Variants in SLC8A1 observed in about 807,000 individuals in gnomAD.
SLC8A1 encodes the protein solute carrier family 8 member A1.
Under a neutral mutation model 68.3 loss-of-function variants are expected in SLC8A1, and 18 were observed. The observed-to-expected ratio is 0.26, with a 90% CI of 0.18 to 0.39. The LOEUF (loss-of-function observed/expected upper bound fraction) is 0.39, where lower values mean the gene tolerates loss of function less well. SLC8A1 is among the 10% of genes least tolerant of loss of function. The probability of loss-of-function intolerance (pLI) is 1.00; values close to 1 mark genes in which losing one functional copy is unlikely to be tolerated. For missense variants in SLC8A1, 985 were observed against 1,156.7 expected (o/e 0.85, Z 2.15); for synonymous variants, 475 against 415.5 (o/e 1.14, Z -1.74).
chr2:40,194,896 T>C (rs981992820), intron 2 of SLC8A1, among the ~76,000 whole-genome samples: 6 of 151,884 alleles, frequency 4.0e-5, no homozygotes, highest in African/African-American at 1.5e-4. Context: ...AGATGGAAGG[T>C]CCATTCCGAA....
chr2:40,178,532 G>T (rs765631046), intron 2 of SLC8A1, 39 bp from the exon 3 acceptor site: 6 of 1,523,594 alleles, frequency 3.9e-6, no homozygotes, highest in Non-Finnish European at 5.4e-6. Context: ...AAGGGGAAGA[G>T]GAAAGAGAAG....
intron 2 of SLC8A1, among the ~76,000 whole-genome samples, chr2:40,389,861 A>G (rs1441711315): frequency 6.8e-6 from 1 of 146,634 alleles, no homozygotes; most frequent in Non-Finnish European, 1.5e-5. Flanking sequence ...ATCAAAGAAA[A>G]TCAATGTTAT....
intron 1 of SLC8A1, among the ~76,000 whole-genome samples, chr2:40,459,264 A>C (rs1446471210): frequency 1.3e-5 from 2 of 152,248 alleles, no homozygotes; most frequent in Non-Finnish European, 2.9e-5. Flanking sequence ...GGAAAGTACT[A>C]GTTTAGGTGG....
rs565306352 is a variant in SLC8A1, at chr2:40,113,821, T to C, written c.*1432A>G. 8 of 152,824 alleles carry C rather than the reference T, an allele frequency of 5.2e-5. No homozygotes were observed. In the South Asian group the frequency reaches 1.7e-3, roughly 32 times the overall value. The allele number at this position is 152,824 out of a possible 1,614,324, so 9.5% of individuals were successfully genotyped here. On this transcript the variant is annotated 3_prime_UTR_variant, in exon 8 of 8. Coordinates refer to ENST00000406785, the Ensembl canonical transcript of SLC8A1. ...GCCTTTCTCCTTGGCCTTCCTGAATTAATGGGTGATTTTTAGAGGCCTCTG... is the reference window on the plus strand; with the variant it reads ...GCCTTTCTCCTTGGCCTTCCTGAATCAATGGGTGATTTTTAGAGGCCTCTG...
Position 40,429,098 on chromosome 2 carries a change from C to T in SLC8A1, c.1183G>A (p.Glu395Lys), listed in dbSNP as rs759353126. 1.1e-5 allele frequency: 17 copies of T among 1,613,000 alleles called. No individual in the cohort carries two copies. The Admixed American group carries it at 1.2e-4, about 11-fold the overall frequency. ...TTTTCAGTCACTTCAGTGTTGACCT[C>T]GTGCATGCTGACAGCCTTCCTTGCT... Residue 395 changes from glutamate to lysine, a missense_variant, in exon 2 of 8, where the codon GAG (glutamate) becomes AAG (lysine). Glu to Lys is a moderately conservative substitution (Grantham distance 56). Around this residue, in one of 5 missense-constraint regions of SLC8A1, gnomAD observed 584 missense variants for 565.9 expected, o/e 1.03. Coordinates refer to ENST00000406785, the Ensembl canonical transcript of SLC8A1.
chr2:40,291,140 A>T (rs1043671150), intron 2 of SLC8A1, among the ~76,000 whole-genome samples: 1 of 152,208 alleles, frequency 6.6e-6, no homozygotes, highest in Non-Finnish European at 1.5e-5. Flanking sequence ...CAGTCTTCTT[A>T]TCACAATCTT....
intron 2 of SLC8A1, among the ~76,000 whole-genome samples, chr2:40,277,821 T>TATATATATATATATAC (rs1553469384): frequency 2.2e-5 from 3 of 137,376 alleles, no homozygotes; most frequent in African/African-American, 7.9e-5. Flanking sequence ...TATATATATA[T>TATATATATATATATAC]ATATATATAT....
chr2:40,345,908 C>T (rs1265953278), intron 2 of SLC8A1, among the ~76,000 whole-genome samples: 1 of 151,866 alleles, frequency 6.6e-6, no homozygotes, highest in Non-Finnish European at 1.5e-5. Context: ...GAGCTTAAAA[C>T]CTAAATTACA....
At chr2:40,158,446 A>G (rs945429695) in intron 6 of SLC8A1, among the ~76,000 whole-genome samples, 2 of 152,214 alleles carry the variant, frequency 1.3e-5, no homozygotes, top group Admixed American at 6.5e-5. Context: ...GCAGCCTGCG[A>G]ATTTCTAAGC....
At chr2:40,477,189 G>A (rs976922045) in intron 1 of SLC8A1, among the ~76,000 whole-genome samples, 2 of 152,124 alleles carry the variant, frequency 1.3e-5, no homozygotes, top group African/African-American at 4.8e-5. Flanking sequence ...CCTGGGCAAC[G>A]TGATCTTTTT....
intron 2 of SLC8A1, among the ~76,000 whole-genome samples, chr2:40,301,503 A>G (rs1461051203): frequency 2.6e-5 from 4 of 152,194 alleles, no homozygotes; most frequent in African/African-American, 9.6e-5. Context: ...TAGAAAACCA[A>G]AGATCATATG....
chr2:40,330,545 T>C (rs1272769826), intron 2 of SLC8A1, among the ~76,000 whole-genome samples: 2 of 152,162 alleles, frequency 1.3e-5, no homozygotes, highest in Non-Finnish European at 2.9e-5. Context: ...TTCTGATGTT[T>C]TCCCTGAATT....
intron 2 of SLC8A1, among the ~76,000 whole-genome samples, chr2:40,288,609 C>T (rs1462969871): frequency 1.3e-5 from 2 of 151,938 alleles, no homozygotes; most frequent in African/African-American, 4.8e-5. Flanking sequence ...ATGTATACCT[C>T]TCCCCAGTTC....
At chr2:40,488,482 G>C (rs1705113236) in intron 1 of SLC8A1, among the ~76,000 whole-genome samples, 1 of 151,954 alleles carries the variant, frequency 6.6e-6, no homozygotes, top group Admixed American at 6.6e-5. Context: ...GTGCACGCAT[G>C]TGTGTATTTT....
At chr2:40,299,838 C>T (rs992545405) in intron 2 of SLC8A1, among the ~76,000 whole-genome samples, 6 of 152,202 alleles carry the variant, frequency 3.9e-5, no homozygotes, top group African/African-American at 1.4e-4. Flanking sequence ...GCAGACCTCT[C>T]TCCCTACTAA....
rs1242279425 is a variant in SLC8A1, at chr2:40,147,053, G to C, written c.2162-7377C>G. Among the ~76,000 whole-genome samples the C allele has an allele frequency of 3.9e-5, 6 of 152,144 alleles. No individual in the cohort carries two copies. In the East Asian group the frequency reaches 1.2e-3, roughly 29 times the overall value. The stretch of plus-strand genomic sequence containing the variant: ...AGCTTAAGCCATTATGGTCTTTGTT[G>C]GGGTGGTTAACATAGCACAAGAAAT... On this transcript the variant is annotated intron_variant, in intron 6 of 7. Coordinates refer to ENST00000406785, the Ensembl canonical transcript of SLC8A1.
chr2:40,361,601 T>C (rs1179035689), intron 2 of SLC8A1, among the ~76,000 whole-genome samples: 1 of 151,952 alleles, frequency 6.6e-6, no homozygotes, highest in East Asian at 2.0e-4. Flanking sequence ...CAAGAACTCA[T>C]TATGAGGTGG....
intron 6 of SLC8A1, among the ~76,000 whole-genome samples, chr2:40,140,480 G>C (rs2041343974): frequency 6.6e-6 from 1 of 152,168 alleles, no homozygotes; most frequent in Non-Finnish European, 1.5e-5. Context: ...TGGATCAGTG[G>C]TTCTCACAAT....
chr2:40,178,729 A>G (rs1230901213), intron 2 of SLC8A1, among the ~76,000 whole-genome samples: 1 of 152,262 alleles, frequency 6.6e-6, no homozygotes, highest in African/African-American at 2.4e-5. Flanking sequence ...TAGGCAAAAT[A>G]TAGCATTCAG....
Sources: gnomAD v4.1 joint callset for allele counts (sites outside exome capture counted in the v4.1 genomes callset) on GRCh38, gnomAD v4.1.1 for gene constraint, gnomAD v4.1.1 regional missense constraint, MANE v1.5 for transcripts, NCBI Gene and HGNC (gene_info 2026-07-23, HGNC 2026-07-21) for gene names.